DDX10: variants seen among roughly 807,000 people sequenced by gnomAD.
DDX10 encodes the protein DEAD-box helicase 10.
Under a neutral mutation model 104.3 loss-of-function variants are expected in DDX10, and 74 were observed. The observed-to-expected ratio is 0.71, with a 90% CI of 0.59 to 0.86. The LOEUF is 0.86. Among genes scored for constraint, DDX10 ranks in the 40% least tolerant of loss-of-function variants. The pLI is 0.00. For synonymous variants in DDX10, 351 were observed against 353.4 expected, an observed-to-expected ratio of 0.99 and a Z score of 0.08; for missense variants, 952 against 1,040.0, an observed-to-expected ratio of 0.92 and a Z score of 1.16.
At chr11:108,777,825 T>G (rs2094372128) in intron 13 of DDX10, among the ~76,000 whole-genome samples, 1 of 152,218 alleles carries the variant, frequency 6.6e-6, no homozygotes, top group Non-Finnish European at 1.5e-5. Flanking sequence ...CTCCTTAAGC[T>G]GATAAGCAAC....
intron 16 of DDX10, among the ~76,000 whole-genome samples, chr11:108,905,317 G>GC (rs1863579823): frequency 3.4e-5 from 5 of 149,042 alleles, no homozygotes; most frequent in Admixed American, 6.7e-5. Context: ...GTTTAAGGGG[G>GC]GGGGGGGTTG....
intron 1 of DDX10, among the ~76,000 whole-genome samples, chr11:108,672,062 GAAAA>G (rs55845865): frequency 3.1e-4 from 21 of 68,638 alleles, no homozygotes; most frequent in African/African-American, 8.3e-4. Context: ...CTCCATCTCG[GAAAA>G]AAAAAAAAAA....
Position 108,831,068 on chromosome 11 carries a change from A to C in DDX10, c.1966-7378A>C, listed in dbSNP as rs1480685160. Among the ~76,000 whole-genome samples the C allele has an allele frequency of 3.9e-5, 6 of 152,268 alleles. No homozygotes were observed. In the East Asian group the frequency reaches 9.7e-4, roughly 25 times the overall value. Reference sequence around the variant, plus strand: ...AGCCAATAGAAATGTGTATAGTTAAATATGTTTGGACTTTGGGGAAACAGT... The same window carrying C: ...AGCCAATAGAAATGTGTATAGTTAACTATGTTTGGACTTTGGGGAAACAGT... On this transcript the variant is annotated intron_variant, in intron 13 of 17. Coordinates refer to ENST00000322536, the MANE Select transcript of DDX10 (RefSeq NM_004398.4).
intron 16 of DDX10, among the ~76,000 whole-genome samples, chr11:108,886,750 C>CGTT (rs1863301353): frequency 6.6e-6 from 1 of 152,134 alleles, no homozygotes; most frequent in East Asian, 1.9e-4. Flanking sequence ...ATTTAACCAC[C>CGTT]AAGTTAAGTT....
chr11:108,695,825 T>C (rs2094259091), intron 9 of DDX10, among the ~76,000 whole-genome samples: 1 of 152,040 alleles, frequency 6.6e-6, no homozygotes, highest in Admixed American at 6.6e-5. Flanking sequence ...AAACGTGGTT[T>C]ATAATAAAAA....
rs74400616 is a variant in DDX10 at position 108,916,494 on chromosome 11, G to A, written c.2305-1379G>A. On this transcript the variant is annotated intron_variant, in intron 16 of 17. Coordinates refer to ENST00000322536, the MANE Select transcript of DDX10 (RefSeq NM_004398.4). ...TTATGTTTAGAGGTTATCAAAGAAT[G>A]TTAGAGTACTTTAATAGTGAATAGC... 9.5e-3 allele frequency among the ~76,000 whole-genome samples: 1,447 copies of A among 152,264 alleles called. 21 individuals are homozygous for A. The highest frequency in any genetic ancestry group is 0.032 in the African/African-American group (1,330 of 41,538).
At chr11:108,870,281 C>G (rs934018517) in intron 16 of DDX10, among the ~76,000 whole-genome samples, 1 of 152,168 alleles carries the variant, frequency 6.6e-6, no homozygotes, top group Non-Finnish European at 1.5e-5. Flanking sequence ...AGTCTTCTTT[C>G]TCTTATCCTC....
chr11:108,803,274 T>TC (rs1658325271), intron 13 of DDX10, among the ~76,000 whole-genome samples: 1 of 151,758 alleles, frequency 6.6e-6, no homozygotes, highest in African/African-American at 2.4e-5. Flanking sequence ...TTTTTTTTTT[T>TC]AAAGAACCTT....
At chr11:108,885,831 C>G (rs1863289603) in intron 16 of DDX10, among the ~76,000 whole-genome samples, 1 of 152,158 alleles carries the variant, frequency 6.6e-6, no homozygotes, top group African/African-American at 2.4e-5. Context: ...AAGTGTAATA[C>G]TCCCAAGGAT....
At chr11:108,776,530 G>C (rs1565275020) in intron 13 of DDX10, among the ~76,000 whole-genome samples, 1 of 152,116 alleles carries the variant, frequency 6.6e-6, no homozygotes, top group Non-Finnish European at 1.5e-5. Context: ...ACAGTACATA[G>C]AATTCCAAGA....
chr11:108,844,029 G>A (rs1862678772), intron 15 of DDX10, among the ~76,000 whole-genome samples: 1 of 152,126 alleles, frequency 6.6e-6, no homozygotes, highest in African/African-American at 2.4e-5. Flanking sequence ...TTTTTAGACT[G>A]TCTCCATGAC....
chr11:108,798,863 C>A (rs1861981517), intron 13 of DDX10, among the ~76,000 whole-genome samples: 1 of 151,414 alleles, frequency 6.6e-6, no homozygotes, highest in African/African-American at 2.4e-5. Flanking sequence ...TTTGTGGTAT[C>A]TATCTTTTCA....
At chr11:108,937,845 A>C (rs1864055954) in intron 17 of DDX10, among the ~76,000 whole-genome samples, 2 of 152,152 alleles carry the variant, frequency 1.3e-5, no homozygotes, top group Non-Finnish European at 2.9e-5. Context: ...TTTGCTTTTT[A>C]AGATGTGCTT....
At chr11:108,761,854 G>T (rs771282716) in intron 13 of DDX10, among the ~76,000 whole-genome samples, 1 of 152,016 alleles carries the variant, frequency 6.6e-6, no homozygotes, top group African/African-American at 2.4e-5. Flanking sequence ...AAGACCATAC[G>T]TTACTGCCAT....
intron 15 of DDX10, among the ~76,000 whole-genome samples, chr11:108,847,418 G>A (rs972869554): frequency 3.9e-5 from 6 of 152,124 alleles, no homozygotes; most frequent in African/African-American, 1.4e-4. Context: ...TCATTATGAA[G>A]CTCTTTCATT....
At chr11:108,670,544 A>G (rs557862085) in intron 1 of DDX10, among the ~76,000 whole-genome samples, 1 of 152,258 alleles carries the variant, frequency 6.6e-6, no homozygotes, top group African/African-American at 2.4e-5. Flanking sequence ...TGGCTTTTCC[A>G]TGGTGGGTCT....
chr11:108,781,346 A>AT (rs2134539514), intron 13 of DDX10, among the ~76,000 whole-genome samples: 1 of 152,240 alleles, frequency 6.6e-6, no homozygotes, highest in Non-Finnish European at 1.5e-5. Context: ...CTTTGCTTTC[A>AT]TGAATAGCAT....
intron 10 of DDX10, among the ~76,000 whole-genome samples, chr11:108,710,596 T>C (rs4754348): frequency 6.6e-6 from 1 of 152,070 alleles, no homozygotes; most frequent in Non-Finnish European, 1.5e-5. Context: ...CAATGCCTCC[T>C]TCTTTAGTAC....
rs372201670 is a variant in DDX10 at position 108,885,034 on chromosome 11, CT to C, written c.2304+32826del. ...AATCAAGCTTTTTTGAGTCTTCCCC[CT>C]CCCTCCCTTTTTATGTCCAAATTCC... is the stretch of plus-strand genomic sequence containing the variant. On this transcript the variant is annotated intron_variant, in intron 16 of 17. Transcript: ENST00000322536. 3.3e-3 allele frequency among the ~76,000 whole-genome samples: 506 copies of C among 152,282 alleles called. 4 individuals carry two copies. Among genetic ancestry groups the C allele is most frequent in the African/African-American group, 0.012 (483 of 41,550 alleles).
Sources: allele counts gnomAD v4.1 joint callset (sites outside exome capture counted in the v4.1 genomes callset), GRCh38; gene constraint gnomAD v4.1.1; transcripts MANE v1.5; gene names NCBI Gene and HGNC (gene_info 2026-07-23, HGNC 2026-07-21).